MON1A: variants seen among roughly 807,000 people sequenced by gnomAD.
The protein encoded by MON1A is MON1 vesicular trafficking associated A.
In MON1A, 29 loss-of-function variants were observed where a neutral mutation model predicts 44.6. The ratio of observed to expected loss-of-function variants is 0.65; its 90% CI spans 0.48 to 0.89. The LOEUF is 0.89. Among genes scored for constraint, MON1A ranks in the 40% least tolerant of loss-of-function variants. The pLI is 0.00. For missense variants in MON1A, 615 were observed against 759.6 expected (o/e 0.81, Z 2.24); for synonymous variants, 275 against 316.4 (o/e 0.87, Z 1.39).
chr3:49,909,532 C>T lies in MON1A; in HGVS notation c.1380-132G>A, dbSNP rs1479590933. On this transcript the variant is annotated intron_variant, in intron 4 of 5. Transcript: ENST00000296473. The surrounding 1 kb of genome is among the most constrained non-coding windows in gnomAD (Gnocchi z 4.0). ...CTACCCTCCAGGTGCTCCCTTAGGA[C>T]AGGGCATTGTCTCCCCACCATAGCA... The T allele has an allele frequency of 2.4e-6, 3 of 1,245,658 alleles. No individual in the cohort carries two copies. In the East Asian group the frequency reaches 7.2e-5, roughly 30 times the overall value. The allele number at this position is 1,245,658 out of a possible 1,614,324, so 77.2% of individuals were successfully genotyped here.
In MON1A at chr3:49,909,038, G is replaced by A; in HGVS notation, c.1644C>T (p.Phe548=). 1 of 1,613,708 alleles carries A rather than the reference G, an allele frequency of 6.2e-7. No homozygotes were observed. The highest frequency in any genetic ancestry group is 8.5e-7 in the Non-Finnish European group (1 of 1,179,830). The change falls in exon 6 of 6, where the codon TTC becomes TTT. Residue 548 remains phenylalanine, a synonymous_variant. Transcript: ENST00000296473. The surrounding 1 kb of genome is among the most constrained non-coding windows in gnomAD (Gnocchi z 4.0). ...ATCAATAGGTGAGGGGCGTGAGAATGAAGAGGCGGTCTTCCTCTTTGCGGA... is the reference window on the plus strand; with the variant it reads ...ATCAATAGGTGAGGGGCGTGAGAATAAAGAGGCGGTCTTCCTCTTTGCGGA... The part of the protein sequence containing the change: ...RWIRKEEDRL[F]ILTPLTY
At chr3:49,917,106 G>A (rs188736343) in intron 1 of MON1A, among the ~76,000 whole-genome samples, 30 of 152,202 alleles carry the variant, frequency 2.0e-4, no homozygotes, top group Admixed American at 3.9e-4. Flanking sequence ...GAACACAGGC[G>A]TGAGCCACCA....
Position 49,913,916 on chromosome 3 carries a change from G to A in MON1A, c.-13-557C>T, listed in dbSNP as rs139708654. The stretch of plus-strand genomic sequence containing the variant: ...TGACCTCAAGTGATCTGCCCCTCTC[G>A]GCAGATTGTTGTTGTTGTTGTTGTT... On this transcript the variant is annotated intron_variant, in intron 1 of 5. Coordinates refer to ENST00000296473, the MANE Select transcript of MON1A (RefSeq NM_032355.4). 5.2e-3 allele frequency among the ~76,000 whole-genome samples: 784 copies of A among 151,156 alleles called. 8 individuals carry two copies. Among genetic ancestry groups the A allele is most frequent in the African/African-American group, 0.018 (732 of 41,064 alleles).
chr3:49,921,784 C>T (rs1475426794), intron 1 of MON1A, among the ~76,000 whole-genome samples: 6 of 151,814 alleles, frequency 4.0e-5, no homozygotes, highest in African/African-American at 7.3e-5. Context: ...CTCAGCCTCC[C>T]GAGTAGCAGG....
chr3:49,928,582 A>C (rs1277514192), intron 1 of MON1A, among the ~76,000 whole-genome samples: 1 of 152,004 alleles, frequency 6.6e-6, no homozygotes, highest in Non-Finnish European at 1.5e-5. Flanking sequence ...GGAGCAGAGA[A>C]GGCCTTCAGA....
At position 49,910,436 on chromosome 3, in the gene MON1A, G is replaced by A; in HGVS notation, c.1062C>T (p.Ser354=). ...DLHLLFNLIS[S]SSSFREGEAW... ...CCTCGCCCTCGCGAAAGGACGAGGA[G>A]GAACTAATGAGGTTGAAGAGCAGGT... The change falls in exon 4 of 6, where the codon TCC becomes TCT. Residue 354 remains serine, a synonymous_variant. Coordinates refer to ENST00000296473, the MANE Select transcript of MON1A (RefSeq NM_032355.4). This position sits in a 1 kb window ranked among gnomAD's most constrained non-coding sequence, Gnocchi z 8.0. 1 of 1,614,254 alleles carries A rather than the reference G, an allele frequency of 6.2e-7. No individual in the cohort carries two copies. The highest frequency in any genetic ancestry group is 8.5e-7 in the Non-Finnish European group (1 of 1,180,048).
rs1016556382 is a variant in MON1A, at chr3:49,929,522, C to T, written c.-14+87G>A. ...AAACGATAGCGTTGATGGCTGGAGG[C>T]CCCCGTCTTCAAGCCCCTCCCTCCA... is the stretch of plus-strand genomic sequence containing the variant. On this transcript the variant is annotated intron_variant, in intron 1 of 5. Coordinates refer to ENST00000296473, the MANE Select transcript of MON1A (RefSeq NM_032355.4). 7 of 1,432,608 alleles carry T rather than the reference C, an allele frequency of 4.9e-6. No individual in the cohort carries two copies. In the African/African-American group the frequency reaches 8.5e-5, roughly 17 times the overall value. 88.7% of individuals were successfully genotyped at this position (1,432,608 alleles called of 1,614,324 possible). A position where few individuals can be genotyped will look rare whatever the true frequency, so the allele number is the denominator to read the frequency against.
At chr3:49,912,033 G>T in intron 2 of MON1A, 22 bp from the exon 3 acceptor site, 2 of 1,542,366 alleles carry the variant, frequency 1.3e-6, no homozygotes, top group South Asian at 2.5e-5. Context: ...AAGCACTGGT[G>T]CTTAGAGGGG....
At chr3:49,913,462 T>A in intron 1 of MON1A, 103 bp from the exon 2 acceptor site, 2 of 1,088,466 alleles carry the variant, frequency 1.8e-6, no homozygotes, top group Non-Finnish European at 2.6e-6. Context: ...AGGACTCCAC[T>A]AACTCAAATC....
chr3:49,921,321 C>A (rs1363147024), intron 1 of MON1A, among the ~76,000 whole-genome samples: 1 of 150,826 alleles, frequency 6.6e-6, no homozygotes, highest in Non-Finnish European at 1.5e-5. Flanking sequence ...CCACACCCGG[C>A]TAATTTTTTG....
chr3:49,909,119 G>C lies in MON1A; in HGVS notation c.1563C>G (p.Ser521Arg). The C allele has an allele frequency of 6.2e-7, 1 of 1,613,226 alleles. No individual in the cohort carries two copies. Among genetic ancestry groups the C allele is most frequent in the South Asian group, 1.1e-5 (1 of 91,024 alleles). Reference protein sequence around the residue: ...TGAFELYMCYSPLGTKASAVS... With the variant: ...TGAFELYMCYRPLGTKASAVS... ...CGGCTGACGCCTTGGTCCCCAGGGG[G>C]CTGTAACACATGTAGAGCTCAAAGG... The change falls in exon 6 of 6, where the codon AGC becomes AGG. Residue 521 changes from serine to arginine, a missense_variant. Ser to Arg is a moderately radical substitution (Grantham distance 110). Transcript: ENST00000296473. The surrounding 1 kb of genome is among the most constrained non-coding windows in gnomAD (Gnocchi z 4.0).
At position 49,913,388 on chromosome 3, in the gene MON1A, G is replaced by A. The variant is rs142457799; in HGVS notation, c.-13-29C>T. 1,026 of 1,591,456 alleles carry A rather than the reference G, an allele frequency of 6.4e-4. 3 individuals are homozygous for A. In the African/African-American group the frequency reaches 0.012, roughly 18 times the overall value. ...TGGGGCAAACAAATGCAACATCGAT[G>A]GCTTTTGGCAGGGTCACAGGCATAA... is the stretch of plus-strand genomic sequence containing the variant. On this transcript the variant is annotated intron_variant, in intron 1 of 5. Coordinates refer to ENST00000296473, the MANE Select transcript of MON1A (RefSeq NM_032355.4).
chr3:49,913,461 C>CCTG, intron 1 of MON1A, 102 bp from the exon 2 acceptor site: 1 of 1,106,548 alleles, frequency 9.0e-7, no homozygotes. Context: ...CAGGACTCCA[C>CCTG]TAACTCAAAT....
Position 49,911,242 on chromosome 3 carries a change from A to C in MON1A, c.613+284T>G, listed in dbSNP as rs2082881298. ...GATAGATAGATAGATAGATAGATAG[A>C]TAGAGTTTGTTGTTGTTGTTGTTGT... On this transcript the variant is annotated intron_variant, in intron 3 of 5. Coordinates refer to ENST00000296473, the MANE Select transcript of MON1A (RefSeq NM_032355.4). The surrounding 1 kb of genome is among the most constrained non-coding windows in gnomAD (Gnocchi z 5.7). 8.4e-6 allele frequency among the ~76,000 whole-genome samples: 1 copy of C among 118,440 alleles called. No homozygotes were observed. Among genetic ancestry groups the C allele is most frequent in the African/African-American group, 3.2e-5 (1 of 31,282 alleles). The allele number at this position is 118,440 out of a possible 152,430, so 77.7% of individuals were successfully genotyped here. A position where few individuals can be genotyped will look rare whatever the true frequency, so the allele number is the denominator to read the frequency against.
At chr3:49,917,090 C>T (rs2082951355) in intron 1 of MON1A, among the ~76,000 whole-genome samples, 2 of 151,988 alleles carry the variant, frequency 1.3e-5, no homozygotes, top group African/African-American at 2.4e-5. Flanking sequence ...CCTCCTGAGT[C>T]GCTGGGAACA....
Position 49,909,068 on chromosome 3 carries a change from G to A in MON1A, c.1614C>T (p.Arg538=), listed in dbSNP as rs755432755. ...SAVSAIHKLM[R]WIRKEEDRLF... ...GGCGGTCTTCCTCTTTGCGGATCCA[G>A]CGCATCAGCTTATGGATGGCACTGA... The change falls in exon 6 of 6, where the codon CGC becomes CGT. Residue 538 remains arginine (R), a synonymous_variant. Transcript: ENST00000296473. This position sits in a 1 kb window ranked among gnomAD's most constrained non-coding sequence, Gnocchi z 4.0. 1.9e-6 allele frequency: 3 copies of A among 1,613,976 alleles called. No homozygotes were observed. Among genetic ancestry groups the A allele is most frequent in the Non-Finnish European group, 2.5e-6 (3 of 1,179,924 alleles).
chr3:49,922,941 C>G (rs2083014255), intron 1 of MON1A, among the ~76,000 whole-genome samples: 1 of 151,758 alleles, frequency 6.6e-6, no homozygotes, highest in South Asian at 2.1e-4. Context: ...AAACCCCTGA[C>G]CTGGTGATCC....
intron 1 of MON1A, among the ~76,000 whole-genome samples, chr3:49,918,178 TAAAA>T (rs966911880): frequency 6.7e-6 from 1 of 149,510 alleles, no homozygotes; most frequent in Non-Finnish European, 1.5e-5. Context: ...CTCTACTAAA[TAAAA>T]AAAAATTAGC....
chr3:49,923,568 C>G (rs548653232), intron 1 of MON1A, among the ~76,000 whole-genome samples: 5 of 150,772 alleles, frequency 3.3e-5, no homozygotes, highest in African/African-American at 1.2e-4. Flanking sequence ...ATTCTCATGC[C>G]TCAGCCTCCC....
Sources: gnomAD v4.1 joint callset for allele counts (sites outside exome capture counted in the v4.1 genomes callset) on GRCh38, gnomAD v4.1.1 for gene constraint, Gnocchi (gnomAD v3.1) non-coding constraint, MANE v1.5 for transcripts, NCBI Gene and HGNC (gene_info 2026-07-23, HGNC 2026-07-21) for gene names.